RGS5: variants seen among roughly 807,000 people sequenced by gnomAD.
The protein encoded by RGS5 is regulator of G protein signaling 5.
RGS5 carries 20 observed loss-of-function variants against 18.9 expected under a neutral mutation model. That is an observed-to-expected ratio of 1.06 (90% confidence interval 0.74 to 1.54). The LOEUF (loss-of-function observed/expected upper bound fraction) is 1.54. Among genes scored for constraint, RGS5 ranks in the 40% most tolerant of loss-of-function variants. The pLI, the probability that RGS5 is intolerant of heterozygous loss-of-function variation, is 0.00. For missense variants in RGS5, 201 were observed against 211.8 expected, an observed-to-expected ratio of 0.95 and a Z score of 0.32; for synonymous variants, 57 against 76.2, an observed-to-expected ratio of 0.75 and a Z score of 1.31.
chr1:163,163,808 A>C (rs1045395184), intron 2 of RGS5, among the ~76,000 whole-genome samples: 1 of 152,218 alleles, frequency 6.6e-6, no homozygotes, highest in Non-Finnish European at 1.5e-5. Context: ...TCAGAGCAAG[A>C]GGAAGGCTGA....
At chr1:163,286,472 C>T (rs997293314) in intron 2 of RGS5, among the ~76,000 whole-genome samples, 2 of 152,006 alleles carry the variant, frequency 1.3e-5, no homozygotes, top group African/African-American at 4.8e-5. Context: ...TAAAGTCTCT[C>T]ATTATTTTTT....
intron 1 of RGS5, among the ~76,000 whole-genome samples, chr1:163,169,258 A>G (rs1658195885): frequency 1.3e-5 from 2 of 151,900 alleles, no homozygotes; most frequent in Non-Finnish European, 2.9e-5. Context: ...AATCCAGTCT[A>G]TCATTGTTGG....
intron 3 of RGS5, among the ~76,000 whole-genome samples, chr1:163,155,402 A>T (rs1657541071): frequency 6.6e-6 from 1 of 152,202 alleles, no homozygotes; most frequent in Non-Finnish European, 1.5e-5. Flanking sequence ...ATTGAATTCC[A>T]CAATATTCTT....
intron 2 of RGS5, among the ~76,000 whole-genome samples, chr1:163,294,183 C>T (rs1217209188): frequency 6.6e-6 from 1 of 152,190 alleles, no homozygotes; most frequent in Non-Finnish European, 1.5e-5. Context: ...GGGACTCCAA[C>T]CCCCCATTTC....
chr1:163,305,607 C>A (rs192414873), intron 2 of RGS5, among the ~76,000 whole-genome samples: 161 of 152,294 alleles, frequency 1.1e-3, no homozygotes, highest in Non-Finnish European at 1.8e-3. Flanking sequence ...TAAGTACTTT[C>A]CCCCATGTTT....
intron 1 of RGS5, among the ~76,000 whole-genome samples, chr1:163,187,886 A>G (rs1177605248): frequency 6.6e-6 from 1 of 152,094 alleles, no homozygotes; most frequent in Non-Finnish European, 1.5e-5. Context: ...TACCACTGGT[A>G]GGGGGAGTGG....
chr1:163,266,965 CCA>C (rs1233009644), intron 2 of RGS5, among the ~76,000 whole-genome samples: 1 of 151,964 alleles, frequency 6.6e-6, no homozygotes, highest in Non-Finnish European at 1.5e-5. Flanking sequence ...TGAAGGTGCT[CCA>C]GAGAGAAAGA....
In RGS5 at chr1:163,146,473, C is replaced by T. The variant is rs1290527283; in HGVS notation, c.*869G>A. 1 of 152,092 alleles carries T rather than the reference C, an allele frequency of 6.6e-6. No homozygotes were observed. The highest frequency in any genetic ancestry group is 1.5e-5 in the Non-Finnish European group (1 of 68,012). The allele number at this position is 152,092 out of a possible 1,614,324, so 9.4% of individuals were successfully genotyped here. On this transcript the variant is annotated 3_prime_UTR_variant, in exon 5 of 5. Coordinates refer to ENST00000313961, the MANE Select transcript of RGS5 (RefSeq NM_003617.4). The stretch of plus-strand genomic sequence containing the variant: ...TAGGTGGGAGACTACTCCAATGGAG[C>T]AACAGTTTCATTTTACATGATTGGA...
At position 163,189,737 on chromosome 1, in the gene RGS5, T is replaced by A. The variant is rs148196036; in HGVS notation, c.44+13055A>T. Among the ~76,000 whole-genome samples, 1,411 of 152,208 alleles carry A rather than the reference T, an allele frequency of 9.3e-3. 6 individuals carry two copies. The highest frequency in any genetic ancestry group is 0.016 in the Non-Finnish European group (1,087 of 68,020). The stretch of plus-strand genomic sequence containing the variant: ...ATAAAGATTAATAAAGGGGTCAGGG[T>A]CTCTGGGCTTGACCCCCTTGTGGGA... On this transcript the variant is annotated intron_variant, in intron 1 of 4. Coordinates refer to ENST00000313961, the MANE Select transcript of RGS5 (RefSeq NM_003617.4).
intron 4 of RGS5, 39 bp downstream of exon 4, chr1:163,152,511 T>A: frequency 6.4e-7 from 1 of 1,559,178 alleles, no homozygotes; most frequent in Non-Finnish European, 8.7e-7. Context: ...TGAGAGCTAA[T>A]GAGCTGCCCT....
intron 1 of RGS5, among the ~76,000 whole-genome samples, chr1:163,191,686 G>C (rs1004399205): frequency 6.6e-6 from 1 of 152,046 alleles, no homozygotes; most frequent in African/African-American, 2.4e-5. Context: ...CTAATACTTG[G>C]TTTCTGACCC....
intron 2 of RGS5, among the ~76,000 whole-genome samples, chr1:163,284,541 T>G (rs1313294671): frequency 6.6e-6 from 1 of 152,168 alleles, no homozygotes; most frequent in East Asian, 1.9e-4. Context: ...AATTCTTAAG[T>G]CTTGGTTTCT....
At chr1:163,152,416 G>A (rs1193478362) in intron 4 of RGS5, 134 bp downstream of exon 4, 12 of 855,196 alleles carry the variant, frequency 1.4e-5, no homozygotes, top group Non-Finnish European at 2.2e-5. Context: ...GTACTCAATA[G>A]GTGCTTAATA....
At chr1:163,158,345 G>A (rs1657666870) in intron 3 of RGS5, among the ~76,000 whole-genome samples, 1 of 152,158 alleles carries the variant, frequency 6.6e-6, no homozygotes, top group Non-Finnish European at 1.5e-5. Context: ...ATGGGGAGAA[G>A]CAGAGACAGA....
intron 1 of RGS5, among the ~76,000 whole-genome samples, chr1:163,189,197 A>C (rs1277131714): frequency 6.6e-6 from 1 of 152,130 alleles, no homozygotes; most frequent in East Asian, 1.9e-4. Context: ...TGGGCACTCC[A>C]TATAATCTTA....
chr1:163,197,480 A>C (rs1421586151), intron 1 of RGS5, among the ~76,000 whole-genome samples: 2 of 152,146 alleles, frequency 1.3e-5, no homozygotes, highest in Non-Finnish European at 2.9e-5. Flanking sequence ...AGTGGATTGC[A>C]ACACTGAGCA....
chr1:163,214,837 C>G (rs965327971), intron 1 of RGS5, among the ~76,000 whole-genome samples: 27 of 152,090 alleles, frequency 1.8e-4, no homozygotes, highest in African/African-American at 5.3e-4. Flanking sequence ...TACTCATGAC[C>G]TAGAATCAAA....
At chr1:163,217,314 C>T (rs1375848222) in intron 1 of RGS5, among the ~76,000 whole-genome samples, 4 of 152,102 alleles carry the variant, frequency 2.6e-5, no homozygotes, top group Non-Finnish European at 5.9e-5. Flanking sequence ...CTGGCCTTTA[C>T]TCTGGGTTTT....
chr1:163,317,260 C>T (rs1014396443), intron 1 of RGS5, among the ~76,000 whole-genome samples: 3 of 152,072 alleles, frequency 2.0e-5, no homozygotes, highest in Non-Finnish European at 2.9e-5. Flanking sequence ...AAATTTCACT[C>T]GTACTTATCA....
Sources: allele counts gnomAD v4.1 joint callset (sites outside exome capture counted in the v4.1 genomes callset), GRCh38; gene constraint gnomAD v4.1.1; transcripts MANE v1.5; gene names NCBI Gene and HGNC (gene_info 2026-07-23, HGNC 2026-07-21).